C12orf56: variants seen among roughly 807,000 people sequenced by gnomAD.
C12orf56 encodes the protein chromosome 12 open reading frame 56, also known as uncharacterized protein C12orf56.
A neutral mutation model predicts 69.9 loss-of-function variants in C12orf56; 71 were observed. The ratio of observed to expected loss-of-function variants is 1.02; its 90% CI spans 0.84 to 1.24. The LOEUF (loss-of-function observed/expected upper bound fraction) is 1.24, where lower values mean the gene tolerates loss of function less well. Ranked by LOEUF, C12orf56 falls within the 50% of genes most tolerant of loss-of-function variation. The probability of loss-of-function intolerance (pLI) is 0.00; values close to 1 mark genes in which losing one functional copy is unlikely to be tolerated. For synonymous variants in C12orf56, 276 were observed against 274.1 expected (o/e 1.01, Z -0.07); for missense variants, 732 against 738.5 (o/e 0.99, Z 0.10).
chr12:64,328,720 T>TAG (rs2038885616), intron 3 of C12orf56, among the ~76,000 whole-genome samples: 2 of 12,986 alleles, frequency 1.5e-4, no homozygotes, highest in Non-Finnish European at 3.7e-4. Flanking sequence ...TATATATATA[T>TAG]ATATATATAT....
intron 6 of C12orf56, among the ~76,000 whole-genome samples, chr12:64,298,768 C>G (rs1402524392): frequency 9.3e-5 from 14 of 150,852 alleles, no homozygotes; most frequent in East Asian, 7.8e-4. Context: ...GTACCATGCT[C>G]TTTTGGTTAC....
chr12:64,374,421 TG>T (rs1156710876), intron 1 of C12orf56, among the ~76,000 whole-genome samples: 1 of 152,198 alleles, frequency 6.6e-6, no homozygotes, highest in Admixed American at 6.5e-5. Context: ...TGGAGAGTCA[TG>T]GGGTCTCTAA....
At chr12:64,380,515 G>C (rs554992094) in intron 1 of C12orf56, among the ~76,000 whole-genome samples, 1 of 152,286 alleles carries the variant, frequency 6.6e-6, no homozygotes, top group Admixed American at 6.5e-5. Flanking sequence ...CCATGTAGCA[G>C]CTTACATTTA....
intron 6 of C12orf56, among the ~76,000 whole-genome samples, chr12:64,299,710 G>A (rs906728957): frequency 6.6e-6 from 1 of 151,894 alleles, no homozygotes; most frequent in Non-Finnish European, 1.5e-5. Context: ...TAAAAGGGAG[G>A]ATATCTGTGC....
chr12:64,351,431 GAAGTTA>G (rs1174116277), intron 2 of C12orf56, among the ~76,000 whole-genome samples: 1 of 152,182 alleles, frequency 6.6e-6, no homozygotes, highest in Non-Finnish European at 1.5e-5. Flanking sequence ...GGCAATAACA[GAAGTTA>G]AAAGGCACAG....
At chr12:64,312,590 C>G in intron 5 of C12orf56, 89 bp downstream of exon 5, 1 of 978,184 alleles carries the variant, frequency 1.0e-6, no homozygotes, top group Non-Finnish European at 1.5e-6. Context: ...GCCTGGGAAA[C>G]AGAGTGAGAC....
intron 3 of C12orf56, among the ~76,000 whole-genome samples, chr12:64,328,693 AAAAAAAAAAAAAAATATATATATATATAT>A (rs1374667393): frequency 1.9e-3 from 41 of 21,056 alleles, no homozygotes; most frequent in African/African-American, 4.5e-3. Context: ...AAAAAAAAAA[AAAAAAAAAAAAAAATATATATATATATAT>A]ATATATATAT....
chr12:64,297,418 T>A (rs1436005950), intron 6 of C12orf56, among the ~76,000 whole-genome samples: 1 of 152,074 alleles, frequency 6.6e-6, no homozygotes, highest in African/African-American at 2.4e-5. Flanking sequence ...ATACTTTAAT[T>A]TCTGGGGTAC....
At chr12:64,356,501 C>T (rs1196937519) in intron 1 of C12orf56, among the ~76,000 whole-genome samples, 1 of 152,158 alleles carries the variant, frequency 6.6e-6, no homozygotes, top group Non-Finnish European at 1.5e-5. Context: ...TGTCATTCCC[C>T]TGTTGGCTAG....
At chr12:64,321,382 C>T (rs1361012294) in intron 3 of C12orf56, among the ~76,000 whole-genome samples, 1 of 152,086 alleles carries the variant, frequency 6.6e-6, no homozygotes, top group Non-Finnish European at 1.5e-5. Context: ...ACTACATTGC[C>T]CAGGCTGGTC....
At chr12:64,361,619 G>T (rs1419884494) in intron 1 of C12orf56, among the ~76,000 whole-genome samples, 1 of 152,006 alleles carries the variant, frequency 6.6e-6, no homozygotes, top group Non-Finnish European at 1.5e-5. Context: ...CTTAAAAAGG[G>T]AGGAATGAAA....
At chr12:64,332,410 G>A (rs951908720) in intron 2 of C12orf56, among the ~76,000 whole-genome samples, 2 of 150,954 alleles carry the variant, frequency 1.3e-5, no homozygotes, top group Non-Finnish European at 2.9e-5. Context: ...GTTTTTATAA[G>A]AATTGCAAAG....
chr12:64,377,892 G>A (rs2039662774), intron 1 of C12orf56, among the ~76,000 whole-genome samples: 1 of 152,192 alleles, frequency 6.6e-6, no homozygotes, highest in Admixed American at 6.5e-5. Flanking sequence ...TACCAAAGGA[G>A]CTGTAGCCTA....
At chr12:64,375,269 G>A (rs1035070728) in intron 1 of C12orf56, among the ~76,000 whole-genome samples, 2 of 151,708 alleles carry the variant, frequency 1.3e-5, no homozygotes, top group African/African-American at 4.8e-5. Context: ...TGGCCAGGCT[G>A]GTCTTGAACT....
chr12:64,343,517 G>A (rs552165324), intron 2 of C12orf56, among the ~76,000 whole-genome samples: 104 of 152,332 alleles, frequency 6.8e-4, no homozygotes, highest in African/African-American at 2.4e-3. Context: ...TAGGAATGGA[G>A]AAAAAGGCAT....
intron 11 of C12orf56, among the ~76,000 whole-genome samples, chr12:64,273,090 T>C (rs113804448): frequency 1.3e-5 from 2 of 152,022 alleles, no homozygotes; most frequent in African/African-American, 4.8e-5. Flanking sequence ...GGTCAGGAGT[T>C]CCAGACCAGC....
At chr12:64,385,813 T>C (rs1014563647) in intron 1 of C12orf56, among the ~76,000 whole-genome samples, 1 of 152,178 alleles carries the variant, frequency 6.6e-6, no homozygotes, top group Non-Finnish European at 1.5e-5. Flanking sequence ...CTGCACAGCC[T>C]GCTCTGCATA....
At chr12:64,335,003 G>A (rs1450241345) in intron 2 of C12orf56, among the ~76,000 whole-genome samples, 1 of 152,168 alleles carries the variant, frequency 6.6e-6, no homozygotes, top group Non-Finnish European at 1.5e-5. Flanking sequence ...AATGGCTACT[G>A]TATTAGACAT....
At chr12:64,389,843 G>C (rs2039844121) in intron 1 of C12orf56, among the ~76,000 whole-genome samples, 1 of 151,880 alleles carries the variant, frequency 6.6e-6, no homozygotes, top group Non-Finnish European at 1.5e-5. Context: ...TAAGCATCGG[G>C]GGCAAAAAAG....
Sources: gnomAD v4.1 joint callset for allele counts (sites outside exome capture counted in the v4.1 genomes callset) on GRCh38, gnomAD v4.1.1 for gene constraint, MANE v1.5 for transcripts, NCBI Gene and HGNC (gene_info 2026-07-23, HGNC 2026-07-21) for gene names.